ZNF407: variants seen among roughly 807,000 people sequenced by gnomAD.
The protein encoded by ZNF407 is zinc finger protein 407.
ZNF407 carries 17 observed loss-of-function variants against 131.2 expected under a neutral mutation model. The observed-to-expected ratio is 0.13, with a 90% CI of 0.09 to 0.19. ZNF407 has a LOEUF of 0.19. ZNF407 is among the 10% of genes least tolerant of loss of function. The pLI, the probability that ZNF407 is intolerant of heterozygous loss-of-function variation, is 1.00. For missense variants in ZNF407, 2,681 were observed against 2,830.6 expected, an observed-to-expected ratio of 0.95 and a Z score of 1.20; for synonymous variants, 1,156 against 1,062.0, an observed-to-expected ratio of 1.09 and a Z score of -1.72.
At chr18:74,847,680 G>A (rs893306577) in intron 4 of ZNF407, among the ~76,000 whole-genome samples, 2 of 152,118 alleles carry the variant, frequency 1.3e-5, no homozygotes, top group African/African-American at 4.8e-5. Flanking sequence ...GGAGAAAGTC[G>A]ACAACATGTG....
chr18:74,695,331 C>T (rs554781277), intron 3 of ZNF407, among the ~76,000 whole-genome samples: 22 of 152,270 alleles, frequency 1.4e-4, no homozygotes, highest in Admixed American at 9.8e-4. Flanking sequence ...GGGTGCAATA[C>T]CCTGCTTCGT....
intron 8 of ZNF407, among the ~76,000 whole-genome samples, chr18:74,962,826 C>CCTA (rs1302215451): frequency 7.9e-5 from 12 of 152,224 alleles, no homozygotes; most frequent in African/African-American, 2.9e-4. Flanking sequence ...GTCCAGCTCT[C>CCTA]CTACTGTAAA....
chr18:74,628,532 C>T (rs1256727686), intron 1 of ZNF407, among the ~76,000 whole-genome samples: 2 of 152,104 alleles, frequency 1.3e-5, no homozygotes, highest in Non-Finnish European at 2.9e-5. Context: ...CATAATGTTT[C>T]TAAGGGCCAT....
chr18:74,647,926 G>T (rs1273721986), intron 3 of ZNF407, among the ~76,000 whole-genome samples: 1 of 152,084 alleles, frequency 6.6e-6, no homozygotes, highest in Non-Finnish European at 1.5e-5. Flanking sequence ...AAAGGATGAG[G>T]GGCCATTCAC....
At chr18:74,912,480 G>T (rs570803354) in intron 7 of ZNF407, among the ~76,000 whole-genome samples, 1 of 152,172 alleles carries the variant, frequency 6.6e-6, no homozygotes, top group Non-Finnish European at 1.5e-5. Context: ...AGAATAGAAA[G>T]TCCAGAATTC....
intron 4 of ZNF407, among the ~76,000 whole-genome samples, chr18:74,830,854 A>C (rs2145117249): frequency 1.3e-5 from 2 of 152,300 alleles, no homozygotes; most frequent in East Asian, 3.9e-4. Flanking sequence ...ATCTAACCCT[A>C]GAACTTATTC....
chr18:74,798,151 G>A (rs1424639131), intron 4 of ZNF407, among the ~76,000 whole-genome samples: 1 of 151,258 alleles, frequency 6.6e-6, no homozygotes, highest in Admixed American at 6.6e-5. Flanking sequence ...CAGAGACATT[G>A]CATGGAACAG....
In ZNF407 at chr18:74,687,640, T is replaced by C. The variant is rs191989029; in HGVS notation, c.4802+46518T>C. Reference sequence around the variant, plus strand: ...ATTAAACAAAGATAATTCAAGCCACTGTTAAATTAATATCTATATGTCTTT... The same window carrying C: ...ATTAAACAAAGATAATTCAAGCCACCGTTAAATTAATATCTATATGTCTTT... On this transcript the variant is annotated intron_variant, in intron 3 of 8. Transcript: ENST00000299687. 1.2e-4 allele frequency among the ~76,000 whole-genome samples: 19 copies of C among 152,350 alleles called. 1 individual carries two copies. The highest frequency in any genetic ancestry group is 1.2e-3 in the Admixed American group (19 of 15,302).
intron 3 of ZNF407, among the ~76,000 whole-genome samples, chr18:74,644,598 A>G (rs1984882462): frequency 6.6e-6 from 1 of 151,908 alleles, no homozygotes. Flanking sequence ...GGTACTCTAA[A>G]TAGTATTTAT....
chr18:75,008,345 C>A (rs961696662), intron 8 of ZNF407, among the ~76,000 whole-genome samples: 5 of 152,122 alleles, frequency 3.3e-5, no homozygotes, highest in Admixed American at 1.3e-4. Flanking sequence ...AGCTGTGAAG[C>A]TGCAAAGAAG....
Position 74,790,452 on chromosome 18 carries a change from C to G in ZNF407, c.4877+8950C>G, listed in dbSNP as rs186303879. On this transcript the variant is annotated intron_variant, in intron 4 of 8. Coordinates refer to ENST00000299687, the MANE Select transcript of ZNF407 (RefSeq NM_017757.3). ...CTACCATTTAGTCTGATAGTAGACT[C>G]AGATTTGGGGTATAAGAATATCTGC... 3.4e-3 allele frequency among the ~76,000 whole-genome samples: 517 copies of G among 152,302 alleles called. 6 individuals are homozygous for G. The highest frequency in any genetic ancestry group is 0.012 in the African/African-American group (490 of 41,566).
At position 74,633,364 on chromosome 18, in the gene ZNF407, C is replaced by T. The variant is rs756177441; in HGVS notation, c.2345C>T (p.Ala782Val). 32 of 1,613,688 alleles carry T rather than the reference C, an allele frequency of 2.0e-5. No homozygotes were observed. The highest frequency in any genetic ancestry group is 5.0e-5 in the Admixed American group (3 of 59,992). ...EECIERVCIGANDKKEEFDVS... is the reference protein window; with the variant it reads ...EECIERVCIGVNDKKEEFDVS... ...TGTATTGAAAGGGTATGTATAGGTG[C>T]AAATGATAAAAAAGAAGAGTTTGAT... The change falls in exon 2 of 9, where the codon GCA (alanine) becomes GTA (valine). Residue 782 changes from alanine to valine, a missense_variant. Transcript: ENST00000299687.
chr18:74,832,818 A>G (rs1970503926), intron 4 of ZNF407, among the ~76,000 whole-genome samples: 1 of 152,168 alleles, frequency 6.6e-6, no homozygotes, highest in Non-Finnish European at 1.5e-5. Context: ...CACATACTAC[A>G]TTTTCCATGA....
intron 3 of ZNF407, among the ~76,000 whole-genome samples, chr18:74,658,143 C>T (rs148086536): frequency 0.016 from 2,473 of 151,842 alleles, 62 homozygotes; most frequent in African/African-American, 0.056. Flanking sequence ...GACGGAGCCT[C>T]GCTCTGTAGC....
chr18:74,880,830 A>T (rs903453935), intron 5 of ZNF407, among the ~76,000 whole-genome samples: 1 of 152,232 alleles, frequency 6.6e-6, no homozygotes, highest in Non-Finnish European at 1.5e-5. Flanking sequence ...GCTAATTTTT[A>T]TGGGTCTGAC....
At chr18:74,875,752 G>C (rs1053275355) in intron 4 of ZNF407, among the ~76,000 whole-genome samples, 7 of 152,188 alleles carry the variant, frequency 4.6e-5, no homozygotes, top group Non-Finnish European at 8.8e-5. Context: ...TTCAAAGTTA[G>C]TCCATGTTAA....
At chr18:74,605,237 G>A (rs1982755066) in intron 1 of ZNF407, among the ~76,000 whole-genome samples, 1 of 150,626 alleles carries the variant, frequency 6.6e-6, no homozygotes, top group African/African-American at 2.4e-5. Context: ...ACTTAGTGAG[G>A]TCTCCAGTCC....
intron 3 of ZNF407, among the ~76,000 whole-genome samples, chr18:74,699,253 T>C (rs1967435226): frequency 6.6e-6 from 1 of 152,228 alleles, no homozygotes; most frequent in Non-Finnish European, 1.5e-5. Flanking sequence ...TGAGCAGATA[T>C]GCAGGGATGC....
intron 3 of ZNF407, among the ~76,000 whole-genome samples, chr18:74,719,895 C>T (rs1345289534): frequency 1.3e-5 from 2 of 152,260 alleles, no homozygotes; most frequent in South Asian, 4.1e-4. Context: ...TTTCTTTATC[C>T]ATTCATCTGT....
Sources: gnomAD v4.1 joint callset for allele counts (sites outside exome capture counted in the v4.1 genomes callset) on GRCh38, gnomAD v4.1.1 for gene constraint, MANE v1.5 for transcripts, NCBI Gene and HGNC (gene_info 2026-07-23, HGNC 2026-07-21) for gene names.